ITIH2: variants seen among roughly 807,000 people sequenced by gnomAD.
ITIH2 encodes inter-alpha-trypsin inhibitor heavy chain 2.
ITIH2 carries 103 observed loss-of-function variants against 104.4 expected under a neutral mutation model. The observed-to-expected ratio is 0.99, with a 90% CI of 0.84 to 1.16. The LOEUF (loss-of-function observed/expected upper bound fraction) is 1.16. Ranked by LOEUF, ITIH2 falls within the 50% of genes most tolerant of loss-of-function variation. The pLI is 0.00. For missense variants in ITIH2, 1,108 were observed against 1,162.4 expected, an observed-to-expected ratio of 0.95 and a Z score of 0.68; for synonymous variants, 436 against 435.4, an observed-to-expected ratio of 1.00 and a Z score of -0.02.
chr10:7,746,832 A>G, intron 20 of ITIH2, 128 bp downstream of exon 20: 1 of 610,414 alleles, frequency 1.6e-6, no homozygotes, highest in South Asian at 2.1e-5. Context: ...GTTCATTAGG[A>G]ATAGACGCAC....
intron 14 of ITIH2, among the ~76,000 whole-genome samples, chr10:7,734,444 C>T (rs757301823): frequency 2.0e-5 from 3 of 152,194 alleles, no homozygotes; most frequent in East Asian, 1.9e-4. Flanking sequence ...CCTGTAATCC[C>T]AGCACTTTGG....
At chr10:7,748,521 C>CCTTTTTTTTTTTTT (rs1835202332) in intron 20 of ITIH2, among the ~76,000 whole-genome samples, 1 of 27,124 alleles carries the variant, frequency 3.7e-5, no homozygotes. Context: ...CCAATGCATT[C>CCTTTTTTTTTTTTT]TTTTTTTTTT....
chr10:7,716,035 G>A (rs1382102026), intron 5 of ITIH2, among the ~76,000 whole-genome samples: 1 of 151,538 alleles, frequency 6.6e-6, no homozygotes, highest in East Asian at 1.9e-4. Flanking sequence ...GCTAATTTTT[G>A]TATTTTTAGG....
chr10:7,739,107 C>T (rs1835100366), intron 16 of ITIH2, among the ~76,000 whole-genome samples: 1 of 152,118 alleles, frequency 6.6e-6, no homozygotes, highest in Admixed American at 6.5e-5. Context: ...CTTTGCCCTC[C>T]GTTGTCAATT....
chr10:7,725,839 T>C (rs1183675730), intron 9 of ITIH2, among the ~76,000 whole-genome samples: 1 of 152,170 alleles, frequency 6.6e-6, no homozygotes, highest in Non-Finnish European at 1.5e-5. Flanking sequence ...GAGGAGTAGA[T>C]GGACAAGGGA....
chr10:7,749,173 T>C lies in ITIH2; in HGVS notation c.2694-14T>C, dbSNP rs1209739902. On this transcript the variant is annotated splice_polypyrimidine_tract_variant and intron_variant, in intron 20 of 20. Coordinates refer to ENST00000358415, the MANE Select transcript of ITIH2 (RefSeq NM_002216.3). Reference sequence around the variant, plus strand: ...CTCAGTCTCCCCCTAACCACATGCCTTGCTTCCTTGCAGGGGCTTACAGAA... The same window carrying C: ...CTCAGTCTCCCCCTAACCACATGCCCTGCTTCCTTGCAGGGGCTTACAGAA... The C allele has an allele frequency of 1.2e-6, 2 of 1,613,726 alleles. No individual in the cohort carries two copies. Among genetic ancestry groups the C allele is most frequent in the Non-Finnish European group, 1.7e-6 (2 of 1,179,864 alleles).
intron 5 of ITIH2, among the ~76,000 whole-genome samples, chr10:7,715,895 C>A (rs961620293): frequency 4.6e-5 from 7 of 151,932 alleles, no homozygotes; most frequent in African/African-American, 1.7e-4. Context: ...CACCCACCAC[C>A]ACACCTGGCT....
chr10:7,718,469 A>G (rs905980394), intron 6 of ITIH2, among the ~76,000 whole-genome samples: 2 of 152,150 alleles, frequency 1.3e-5, no homozygotes, highest in African/African-American at 4.8e-5. Flanking sequence ...AGCTATCCTG[A>G]GTCTTCGCTG....
intron 5 of ITIH2, among the ~76,000 whole-genome samples, chr10:7,713,832 G>A (rs1215356645): frequency 6.6e-6 from 1 of 151,930 alleles, no homozygotes; most frequent in Non-Finnish European, 1.5e-5. Context: ...AGCCTCCCAA[G>A]TAGCTGGGAC....
In ITIH2 at chr10:7,737,669, ATTC is replaced by A. The variant is rs1412073068; in HGVS notation, c.1958-950_1958-948del. On this transcript the variant is annotated intron_variant, in intron 15 of 20. Coordinates refer to ENST00000358415, the MANE Select transcript of ITIH2 (RefSeq NM_002216.3). ...TATTCTATATTATATTCTATATTAT[ATTC>A]TATATTTTCTATATTATATTCTATA... is the stretch of plus-strand genomic sequence containing the variant. Among the ~76,000 whole-genome samples the A allele has an allele frequency of 3.2e-5, 2 of 62,262 alleles. 1 individual carries two copies. The highest frequency in any genetic ancestry group is 5.2e-5 in the Non-Finnish European group (2 of 38,418). 40.8% of individuals were successfully genotyped at this position (62,262 alleles called of 152,430 possible).
chr10:7,746,611 C>G lies in ITIH2; in HGVS notation c.2600C>G (p.Pro867Arg). ...HGLIGQFMQE[P>R]KIHIFNERPG... ...TTGCTAGGCCAGTTCATGCAGGAAC[C>G]AAAGATACACATCTTCAATGAGAGA... is the stretch of plus-strand genomic sequence containing the variant. The change falls in exon 20 of 21, where the codon CCA becomes CGA. Residue 867 changes from proline to arginine, a missense_variant. By Grantham distance (103) the Pro-to-Arg change is moderately radical (BLOSUM62 -2). Transcript: ENST00000358415. The G allele has an allele frequency of 1.9e-6, 3 of 1,613,006 alleles. No individual in the cohort carries two copies. The highest frequency in any genetic ancestry group is 2.5e-6 in the Non-Finnish European group (3 of 1,179,172).
chr10:7,714,670 A>G (rs1381670877), intron 5 of ITIH2, among the ~76,000 whole-genome samples: 1 of 152,208 alleles, frequency 6.6e-6, no homozygotes, highest in Non-Finnish European at 1.5e-5. Context: ...CGTCAGCCTC[A>G]TGCAGGAGAC....
At chr10:7,739,226 C>A (rs1835101492) in intron 16 of ITIH2, among the ~76,000 whole-genome samples, 1 of 152,214 alleles carries the variant, frequency 6.6e-6, no homozygotes, top group Non-Finnish European at 1.5e-5. Context: ...CTGTTCCCAG[C>A]TCCTTGCGTT....
intron 15 of ITIH2, among the ~76,000 whole-genome samples, chr10:7,736,133 G>T (rs1835053454): frequency 6.6e-6 from 1 of 151,992 alleles, no homozygotes; most frequent in Admixed American, 6.6e-5. Context: ...TGGGAGGCTG[G>T]AGTGGGTTAA....
chr10:7,706,896 AG>A (rs1420810358), intron 2 of ITIH2, among the ~76,000 whole-genome samples: 11 of 152,314 alleles, frequency 7.2e-5, no homozygotes, highest in African/African-American at 2.6e-4. Context: ...AATAGCATCA[AG>A]GGGATATACG....
In ITIH2 at chr10:7,749,207, G is replaced by A; in HGVS notation, c.2714G>A (p.Arg905Lys). The change falls in exon 21 of 21, where the codon AGA (arginine) becomes AAA (lysine). Residue 905 changes from arginine to lysine, a missense_variant. Physicochemically the swap from Arg to Lys is conservative, Grantham distance 26 (BLOSUM62 2). Coordinates refer to ENST00000358415, the MANE Select transcript of ITIH2 (RefSeq NM_002216.3). Reference protein sequence around the residue: ...IITRGLQKDYRTDLVFGTDVT... With the variant: ...IITRGLQKDYKTDLVFGTDVT... ...TGCAGGGGCTTACAGAAAGACTACAGAACGGATCTAGTGTTTGGAACGGAC... is the reference window on the plus strand; with the variant it reads ...TGCAGGGGCTTACAGAAAGACTACAAAACGGATCTAGTGTTTGGAACGGAC... 2 of 1,614,124 alleles carry A rather than the reference G, an allele frequency of 1.2e-6. No homozygotes were observed. Among genetic ancestry groups the A allele is most frequent in the East Asian group, 2.2e-5 (1 of 44,870 alleles).
chr10:7,749,047 A>C (rs1474297186), intron 20 of ITIH2, 140 bp from the exon 21 acceptor site: 8 of 776,566 alleles, frequency 1.0e-5, no homozygotes, highest in Non-Finnish European at 1.5e-5. Flanking sequence ...TTTCTTTTTC[A>C]CATGACTTGG....
In ITIH2 at chr10:7,727,729, C is replaced by T. The variant is rs370458835; in HGVS notation, c.1180C>T (p.Arg394Trp). The change falls in exon 11 of 21, where the codon CGG (arginine) becomes TGG (tryptophan). Residue 394 changes from arginine to tryptophan, a missense_variant. Coordinates refer to ENST00000358415, the MANE Select transcript of ITIH2 (RefSeq NM_002216.3). ...GGTNINEALLRAIFILNEANN... is the reference protein window; with the variant it reads ...GGTNINEALLWAIFILNEANN... ...CACAAACATCAACGAAGCACTCCTA[C>T]GGGCAATCTTCATTTTGAATGAAGC... The T allele has an allele frequency of 6.4e-5, 103 of 1,614,098 alleles. 1 individual carries two copies. The highest frequency in any genetic ancestry group is 6.0e-4 in the South Asian group (55 of 91,080).
chr10:7,716,682 G>A (rs1338622740), intron 5 of ITIH2, among the ~76,000 whole-genome samples: 1 of 146,402 alleles, frequency 6.8e-6, no homozygotes, highest in Non-Finnish European at 1.5e-5. Flanking sequence ...GTTGCAGTGA[G>A]CTGAGATCAC....
Sources: allele counts gnomAD v4.1 joint callset (sites outside exome capture counted in the v4.1 genomes callset), GRCh38; gene constraint gnomAD v4.1.1; transcripts MANE v1.5; gene names NCBI Gene and HGNC (gene_info 2026-07-23, HGNC 2026-07-21).